The following ACKR2 variants were observed in gnomAD, a reference collection of about 807,000 sequenced individuals.
ACKR2 encodes atypical chemokine receptor 2.
For missense variants in ACKR2, 457 were observed against 477.3 expected, an observed-to-expected ratio of 0.96 and a Z score of 0.40; for synonymous variants, 207 against 192.2, an observed-to-expected ratio of 1.08 and a Z score of -0.64.
Position 42,864,732 on chromosome 3 carries a change from G to T in ACKR2, c.230G>T (p.Arg77Leu). Residue 77 changes from arginine to leucine, a missense_variant, in exon 3 of 3, where the codon CGC becomes CTC. Physicochemically the swap from Arg to Leu is moderately radical, Grantham distance 102 (BLOSUM62 -2). Transcript: ENST00000422265. ...LLMVLLRYVP[R>L]RRMVEIYLLN... ...ATGGTCTTGCTCCGTTACGTGCCTC[G>T]CAGGCGGATGGTTGAGATCTATCTG... 1.2e-6 allele frequency: 2 copies of T among 1,614,156 alleles called. No individual in the cohort carries two copies. Among genetic ancestry groups the T allele is most frequent in the East Asian group, 2.2e-5 (1 of 44,876 alleles).
At chr3:42,813,590 G>A (rs532767327) in intron 1 of ACKR2, among the ~76,000 whole-genome samples, 7 of 152,182 alleles carry the variant, frequency 4.6e-5, no homozygotes, top group Non-Finnish European at 8.8e-5. Flanking sequence ...AGAACAGCAA[G>A]GAGAAAGTCC....
chr3:42,822,261 T>C (rs1045851254), intron 2 of ACKR2, among the ~76,000 whole-genome samples: 6 of 152,254 alleles, frequency 3.9e-5, no homozygotes, highest in African/African-American at 1.4e-4. Context: ...GAATACTTCG[T>C]GATTTTTATT....
intron 2 of ACKR2, among the ~76,000 whole-genome samples, chr3:42,827,010 A>T (rs1437532983): frequency 6.6e-6 from 1 of 152,046 alleles, no homozygotes; most frequent in Non-Finnish European, 1.5e-5. Context: ...TTTAATTTCC[A>T]CATGGTTTTG....
intron 2 of ACKR2, chr3:42,851,332 G>A: frequency 1.0e-6 from 1 of 984,224 alleles, no homozygotes; most frequent in Non-Finnish European, 1.2e-6. Flanking sequence ...TGTCCAGAGA[G>A]GGGATGAGCG....
At chr3:42,812,680 CTTTTTT>C (rs71616070) in intron 1 of ACKR2, among the ~76,000 whole-genome samples, 4 of 72,756 alleles carry the variant, frequency 5.5e-5, no homozygotes, top group Admixed American at 2.5e-4. Context: ...AATTTTCAGC[CTTTTTT>C]TTTTTTTTTT....
intron 2 of ACKR2, among the ~76,000 whole-genome samples, chr3:42,856,973 C>T (rs2088327637): frequency 6.9e-6 from 1 of 144,486 alleles, no homozygotes; most frequent in African/African-American, 2.4e-5. Flanking sequence ...AAGCTCTCAT[C>T]AAAAAATTAT....
chr3:42,865,605 G>A lies in ACKR2; in HGVS notation c.1103G>A (p.Arg368Lys), dbSNP rs755800238. ...ACTGGCATGAATGACCTTGGAGAGA[G>A]GCAGTCTGAGAACTACCCTAACAAG... ...EMTGMNDLGE[R>K]QSENYPNKED... The change falls in exon 3 of 3, where the codon AGG (arginine) becomes AAG (lysine). Residue 368 changes from arginine to lysine, a missense_variant. Physicochemically the swap from Arg to Lys is conservative, Grantham distance 26 (BLOSUM62 2). Transcript: ENST00000422265. The A allele has an allele frequency of 6.2e-7, 1 of 1,614,014 alleles. No homozygotes were observed. Among genetic ancestry groups the A allele is most frequent in the Admixed American group, 1.7e-5 (1 of 60,008 alleles).
chr3:42,853,537 C>G (rs565574277), intron 2 of ACKR2, among the ~76,000 whole-genome samples: 9 of 152,214 alleles, frequency 5.9e-5, no homozygotes, highest in African/African-American at 2.2e-4. Context: ...GTAGCTGGGA[C>G]TATAGGTGCA....
At chr3:42,853,346 T>G (rs774647710) in intron 2 of ACKR2, among the ~76,000 whole-genome samples, 1 of 152,104 alleles carries the variant, frequency 6.6e-6, no homozygotes, top group Non-Finnish European at 1.5e-5. Flanking sequence ...ATCTGTAAAA[T>G]GGGGCCCATT....
At chr3:42,855,412 A>C (rs889923122) in intron 2 of ACKR2, among the ~76,000 whole-genome samples, 1 of 152,210 alleles carries the variant, frequency 6.6e-6, no homozygotes. Context: ...TGTAACATGC[A>C]TATGGGAGTG....
At chr3:42,843,199 T>C (rs1701058444) in intron 2 of ACKR2, among the ~76,000 whole-genome samples, 1 of 151,196 alleles carries the variant, frequency 6.6e-6, no homozygotes, top group African/African-American at 2.4e-5. Flanking sequence ...CTCCCGAGAG[T>C]AGCTGGGATT....
intron 2 of ACKR2, among the ~76,000 whole-genome samples, chr3:42,827,747 C>T (rs1439370810): frequency 6.6e-6 from 1 of 152,132 alleles, no homozygotes; most frequent in East Asian, 1.9e-4. Context: ...TTGTCTCTCT[C>T]CCCATGCGTG....
chr3:42,845,203 C>G (rs1182370550), intron 2 of ACKR2, among the ~76,000 whole-genome samples: 1 of 152,242 alleles, frequency 6.6e-6, no homozygotes, highest in Non-Finnish European at 1.5e-5. Flanking sequence ...CTTACCTTCT[C>G]AGCCTGGGGA....
intron 2 of ACKR2, among the ~76,000 whole-genome samples, chr3:42,838,740 G>T (rs1701008309): frequency 6.6e-6 from 1 of 152,032 alleles, no homozygotes; most frequent in Non-Finnish European, 1.5e-5. Context: ...TTCACACAAA[G>T]ATCTGCACGT....
chr3:42,830,184 G>A (rs928594745), intron 2 of ACKR2, among the ~76,000 whole-genome samples: 3 of 152,216 alleles, frequency 2.0e-5, no homozygotes, highest in Admixed American at 6.5e-5. Flanking sequence ...ATCATAGAGG[G>A]GGTCTTAGAT....
At chr3:42,816,819 A>G (rs1202373729) in intron 1 of ACKR2, among the ~76,000 whole-genome samples, 3 of 151,986 alleles carry the variant, frequency 2.0e-5, no homozygotes, top group Non-Finnish European at 4.4e-5. Context: ...CAGCCTCCCA[A>G]AGTGCTGGGA....
At chr3:42,829,416 A>G (rs11716959) in intron 2 of ACKR2, among the ~76,000 whole-genome samples, 112,020 of 152,142 alleles carry the variant, frequency 0.74, 42,280 homozygotes, top group South Asian at 0.88. Context: ...AAAGAAGTGA[A>G]GGGAGAAAAT....
intron 2 of ACKR2, among the ~76,000 whole-genome samples, chr3:42,845,049 G>C (rs947622480): frequency 1.3e-5 from 2 of 152,118 alleles, no homozygotes; most frequent in Admixed American, 1.3e-4. Context: ...GCATGGGATG[G>C]GGCTACCTGT....
At chr3:42,853,595 A>G (rs1701186780) in intron 2 of ACKR2, among the ~76,000 whole-genome samples, 1 of 152,096 alleles carries the variant, frequency 6.6e-6, no homozygotes, top group South Asian at 2.1e-4. Flanking sequence ...GTGGTATTGT[A>G]ACCTAGCATT....
Sources: gnomAD v4.1 joint callset for allele counts (sites outside exome capture counted in the v4.1 genomes callset) on GRCh38, gnomAD v4.1.1 for gene constraint, MANE v1.5 for transcripts, NCBI Gene and HGNC (gene_info 2026-07-23, HGNC 2026-07-21) for gene names.